Variants in PADI2 observed in about 807,000 individuals in gnomAD.
PADI2 encodes peptidyl arginine deiminase 2, also known as protein-arginine deiminase type-2.
Under a neutral mutation model 81.1 loss-of-function variants are expected in PADI2, and 70 were observed. The ratio of observed to expected loss-of-function variants is 0.86; its 90% CI spans 0.71 to 1.05. PADI2 has a LOEUF of 1.05. Ranked by LOEUF, PADI2 falls within the 50% of genes least tolerant of loss-of-function variation. PADI2 has a pLI of 0.00. For missense variants in PADI2, 853 were observed against 889.9 expected (o/e 0.96, Z 0.53); for synonymous variants, 338 against 358.0 (o/e 0.94, Z 0.63).
In PADI2 at chr1:17,069,232, A is replaced by G. The variant is rs777202557; in HGVS notation, c.1810T>C (p.Phe604Leu). The change falls in exon 16 of 16, where the codon TTC (phenylalanine) becomes CTC (leucine). Residue 604 changes from phenylalanine to leucine, a missense_variant. By Grantham distance (22) the Phe-to-Leu change is conservative. Coordinates refer to ENST00000375486, the MANE Select transcript of PADI2 (RefSeq NM_007365.3). ...CATTCCTCCTCAACCTGTGGCCCGA[A>G]TGGCTTGGGGATGCCCAGGTCCTTG... is the stretch of plus-strand genomic sequence containing the variant. ...LDKDLGIPKPFGPQVEEECCL... is the reference protein window; with the variant it reads ...LDKDLGIPKPLGPQVEEECCL... 6.2e-7 allele frequency: 1 copy of G among 1,614,256 alleles called. No homozygotes were observed. Among genetic ancestry groups the G allele is most frequent in the South Asian group, 1.1e-5 (1 of 91,092 alleles).
At position 17,115,507 on chromosome 1, in the gene PADI2, T is replaced by C. The variant is rs1473378626; in HGVS notation, c.92+3773A>G. Reference sequence around the variant, plus strand: ...GAAGAAGCCATTCCCAAGGCCCAGCTTGTGGGCAGAGAGTGACCACCCTGC... The same window carrying C: ...GAAGAAGCCATTCCCAAGGCCCAGCCTGTGGGCAGAGAGTGACCACCCTGC... On this transcript the variant is annotated intron_variant, in intron 1 of 15. Transcript: ENST00000375486. This position sits in a 1 kb window ranked among gnomAD's most constrained non-coding sequence, Gnocchi z 4.1. Among the ~76,000 whole-genome samples, 1 of 152,248 alleles carries C rather than the reference T, an allele frequency of 6.6e-6. No homozygotes were observed. The highest frequency in any genetic ancestry group is 1.5e-5 in the Non-Finnish European group (1 of 68,042).
chr1:17,085,953 TG>T (rs1930376657), intron 7 of PADI2, among the ~76,000 whole-genome samples: 1 of 152,140 alleles, frequency 6.6e-6, no homozygotes, highest in Non-Finnish European at 1.5e-5. Flanking sequence ...CCCTCAGTGA[TG>T]GGGGCTTCTC....
In PADI2 at chr1:17,104,057, C is replaced by A. The variant is rs368625317; in HGVS notation, c.276+821G>T. The stretch of plus-strand genomic sequence containing the variant: ...CAGCACTTTGGGAGGCCAAGGTGGG[C>A]GGATCACAAGGTCAGGAGATCGACA... On this transcript the variant is annotated intron_variant, in intron 2 of 15. Transcript: ENST00000375486. Among the ~76,000 whole-genome samples, 17 of 150,450 alleles carry A rather than the reference C, an allele frequency of 1.1e-4. 1 individual carries two copies. The highest frequency in any genetic ancestry group is 4.2e-4 in the African/African-American group (17 of 40,874).
intron 1 of PADI2, among the ~76,000 whole-genome samples, chr1:17,116,816 C>T (rs1295682226): frequency 6.6e-6 from 1 of 152,124 alleles, no homozygotes; most frequent in Non-Finnish European, 1.5e-5. Flanking sequence ...TTCCTAAGTG[C>T]CCACTAATAC....
At chr1:17,112,955 C>T (rs61769266) in intron 1 of PADI2, among the ~76,000 whole-genome samples, 25,058 of 152,204 alleles carry the variant, frequency 0.16, 2,348 homozygotes, top group African/African-American at 0.24. Flanking sequence ...GCCCCAACTT[C>T]CCTGCCAGTT....
intron 4 of PADI2, among the ~76,000 whole-genome samples, chr1:17,094,563 A>G (rs1197605857): frequency 2.0e-5 from 3 of 152,228 alleles, no homozygotes; most frequent in Admixed American, 6.5e-5. Context: ...TGACACAGCT[A>G]TCCGAAACAC....
At chr1:17,094,970 G>A (rs752894140) in intron 4 of PADI2, among the ~76,000 whole-genome samples, 4 of 152,226 alleles carry the variant, frequency 2.6e-5, no homozygotes, top group Non-Finnish European at 4.4e-5. Context: ...CCACATGGCT[G>A]AGAACCCTCT....
At chr1:17,114,178 A>C (rs1569601110) in intron 1 of PADI2, among the ~76,000 whole-genome samples, 1 of 151,986 alleles carries the variant, frequency 6.6e-6, no homozygotes, top group Non-Finnish European at 1.5e-5. Flanking sequence ...CATGCCCTTG[A>C]CCTTCCACAG....
chr1:17,074,621 G>A (rs560996916), intron 13 of PADI2, among the ~76,000 whole-genome samples: 30 of 152,314 alleles, frequency 2.0e-4, no homozygotes, highest in Admixed American at 1.8e-3. Flanking sequence ...GCTATGCACT[G>A]CTGGTGACAC....
rs750101345 is a variant in PADI2 at position 17,075,688 on chromosome 1, G to A, written c.1446C>T (p.Pro482=). ...CGGGAGGCTAGCTTACCTTTGTGCCGGGGATGGGGACAAAGGACATGAACT... is the reference window on the plus strand; with the variant it reads ...CGGGAGGCTAGCTTACCTTTGTGCCAGGGATGGGGACAAAGGACATGAACT... ...VDEFMSFVPI[P]GTKKFLLLMA... Residue 482 remains proline (P), a synonymous_variant, in exon 12 of 16, where the codon CCC becomes CCT. Coordinates refer to ENST00000375486, the MANE Select transcript of PADI2 (RefSeq NM_007365.3). 11 of 1,610,598 alleles carry A rather than the reference G, an allele frequency of 6.8e-6. No individual in the cohort carries two copies. Among genetic ancestry groups the A allele is most frequent in the East Asian group, 4.5e-5 (2 of 44,676 alleles).
chr1:17,098,189 C>G (rs1931014283), intron 3 of PADI2, among the ~76,000 whole-genome samples: 1 of 152,208 alleles, frequency 6.6e-6, no homozygotes, highest in Non-Finnish European at 1.5e-5. Context: ...CCAGGCTGAC[C>G]TCCCTGCAAG....
chr1:17,101,875 G>T (rs1931157980), intron 3 of PADI2, among the ~76,000 whole-genome samples: 1 of 152,182 alleles, frequency 6.6e-6, no homozygotes, highest in South Asian at 2.1e-4. Flanking sequence ...ATAAAATGAG[G>T]ATGATAATAA....
chr1:17,070,528 T>C (rs1438327752), intron 14 of PADI2, among the ~76,000 whole-genome samples: 1 of 152,240 alleles, frequency 6.6e-6, no homozygotes, highest in Admixed American at 6.5e-5. Flanking sequence ...GGCCACCCCA[T>C]GAGCTGAGGA....
intron 10 of PADI2, among the ~76,000 whole-genome samples, chr1:17,082,169 T>G (rs1345629126): frequency 1.3e-5 from 2 of 152,120 alleles, no homozygotes; most frequent in Non-Finnish European, 2.9e-5. Flanking sequence ...GCTGATGAAC[T>G]TGGAAGTTGG....
chr1:17,084,988 G>A (rs1306309520), intron 7 of PADI2, among the ~76,000 whole-genome samples: 1 of 152,238 alleles, frequency 6.6e-6, no homozygotes, highest in Non-Finnish European at 1.5e-5. Context: ...AGCCACCCGT[G>A]TGCTTGACCA....
rs567486754 is a variant in PADI2 at position 17,096,239 on chromosome 1, C to T, written c.350-269G>A. On this transcript the variant is annotated intron_variant, in intron 3 of 15. Coordinates refer to ENST00000375486, the MANE Select transcript of PADI2 (RefSeq NM_007365.3). ...TGGGACCTCCTACCACTTCATTGTT[C>T]TGGCTGGGGGTTGGGGAATGATCCT... Among the ~76,000 whole-genome samples the T allele has an allele frequency of 2.0e-5, 3 of 152,326 alleles. No homozygotes were observed. In the South Asian group the frequency reaches 6.2e-4, roughly 32 times the overall value.
chr1:17,079,527 C>T (rs940071678), intron 10 of PADI2, 112 bp from the exon 11 acceptor site: 6 of 830,948 alleles, frequency 7.2e-6, no homozygotes, highest in African/African-American at 1.7e-5. Context: ...ACCCAGTTTC[C>T]AGGTGGGTTG....
In PADI2 at chr1:17,090,581, TTGTGTGTGTG is replaced by T. The variant is rs3036949; in HGVS notation, c.655+1817_655+1826del. Among the ~76,000 whole-genome samples, 226 of 142,848 alleles carry T rather than the reference TTGTGTGTGTG, an allele frequency of 1.6e-3. 1 individual carries two copies. Among genetic ancestry groups the T allele is most frequent in the Non-Finnish European group, 2.2e-3 (148 of 65,838 alleles). The allele number at this position is 142,848 out of a possible 152,430, so 93.7% of individuals were successfully genotyped here. On this transcript the variant is annotated intron_variant, in intron 6 of 15. Transcript: ENST00000375486. ...TGGTCAATTATCTGTCGTCCTTTGC[TTGTGTGTGTG>T]TGTGTGTGTGTGTGTGTGTGTGTGT...
intron 6 of PADI2, 101 bp from the exon 7 acceptor site, chr1:17,086,800 C>T: frequency 3.2e-6 from 3 of 947,092 alleles, no homozygotes; most frequent in Non-Finnish European, 4.9e-6. Context: ...AACTTGTCCT[C>T]TAGACAGAGA....
Sources: gnomAD v4.1 joint callset for allele counts (sites outside exome capture counted in the v4.1 genomes callset) on GRCh38, gnomAD v4.1.1 for gene constraint, Gnocchi (gnomAD v3.1) non-coding constraint, MANE v1.5 for transcripts, NCBI Gene and HGNC (gene_info 2026-07-23, HGNC 2026-07-21) for gene names.